BMP5: variants seen among roughly 807,000 people sequenced by gnomAD.
BMP5 encodes the protein bone morphogenetic protein 5.
Under a neutral mutation model 46.6 loss-of-function variants are expected in BMP5, and 23 were observed. The ratio of observed to expected loss-of-function variants is 0.49; its 90% CI spans 0.35 to 0.70. The LOEUF is 0.70. Ranked by LOEUF, BMP5 falls within the 30% of genes least tolerant of loss-of-function variation. The pLI is 0.00. For synonymous variants in BMP5, 204 were observed against 191.9 expected, an observed-to-expected ratio of 1.06 and a Z score of -0.52; for missense variants, 545 against 565.6, an observed-to-expected ratio of 0.96 and a Z score of 0.37.
At chr6:55,811,910 A>G (rs1221098542) in intron 2 of BMP5, among the ~76,000 whole-genome samples, 5 of 152,180 alleles carry the variant, frequency 3.3e-5, no homozygotes, top group Non-Finnish European at 5.9e-5. Context: ...AGCACATTGT[A>G]TTATAGTTAT....
At chr6:55,873,137 G>A (rs1010857416) in intron 1 of BMP5, among the ~76,000 whole-genome samples, 5 of 151,856 alleles carry the variant, frequency 3.3e-5, no homozygotes, top group Admixed American at 6.6e-5. Flanking sequence ...GAGCAAATGA[G>A]CAGAGTATAT....
At chr6:55,774,294 C>A (rs1158905533) in intron 3 of BMP5, 51 bp from the exon 4 acceptor site, 1 of 1,541,276 alleles carries the variant, frequency 6.5e-7, no homozygotes, top group African/African-American at 1.4e-5. Flanking sequence ...AGAACAATTA[C>A]CTGATGTGAA....
chr6:55,784,823 T>C (rs1473863777), intron 3 of BMP5, among the ~76,000 whole-genome samples: 3 of 151,852 alleles, frequency 2.0e-5, no homozygotes, highest in Non-Finnish European at 4.4e-5. Context: ...ATTTGGAAAT[T>C]ATAACAATAC....
chr6:55,775,197 C>T (rs1775147231), intron 3 of BMP5, among the ~76,000 whole-genome samples: 2 of 151,974 alleles, frequency 1.3e-5, no homozygotes, highest in South Asian at 2.1e-4. Context: ...TGATAAAGTA[C>T]CTCTCCCATG....
intron 1 of BMP5, among the ~76,000 whole-genome samples, chr6:55,825,195 C>A (rs1582096320): frequency 6.6e-6 from 1 of 151,874 alleles, no homozygotes; most frequent in South Asian, 2.1e-4. Flanking sequence ...ATGCATTTTA[C>A]CACCCAAATC....
At chr6:55,760,353 AATCATTGGGTATT>A in intron 5 of BMP5, 91 bp downstream of exon 5, 1 of 1,008,164 alleles carries the variant, frequency 9.9e-7, no homozygotes, top group East Asian at 2.5e-5. Context: ...TCATGTCAAA[AATCATTGGGTATT>A]ATATTGGAAA....
At chr6:55,807,205 T>C (rs1290714148) in intron 2 of BMP5, among the ~76,000 whole-genome samples, 3 of 152,298 alleles carry the variant, frequency 2.0e-5, no homozygotes, top group Non-Finnish European at 4.4e-5. Flanking sequence ...GGCTGTGGGT[T>C]TGTCATAAAT....
At chr6:55,780,364 T>C (rs1300540750) in intron 3 of BMP5, among the ~76,000 whole-genome samples, 1 of 148,720 alleles carries the variant, frequency 6.7e-6, no homozygotes, top group Non-Finnish European at 1.5e-5. Context: ...CTCACGCCTG[T>C]AATCCCAGCA....
At chr6:55,777,203 T>G (rs10485072) in intron 3 of BMP5, among the ~76,000 whole-genome samples, 14,216 of 151,874 alleles carry the variant, frequency 0.094, 830 homozygotes, top group East Asian at 0.17. Context: ...TGACTAAACC[T>G]TTTCAAAGAC....
intron 1 of BMP5, among the ~76,000 whole-genome samples, chr6:55,856,311 G>T (rs1357677045): frequency 6.6e-6 from 1 of 152,148 alleles, no homozygotes; most frequent in Non-Finnish European, 1.5e-5. Flanking sequence ...CAGTTTTGGA[G>T]AATTGTGAAT....
intron 2 of BMP5, among the ~76,000 whole-genome samples, chr6:55,812,123 G>A (rs1209380867): frequency 6.6e-6 from 1 of 152,210 alleles, no homozygotes. Flanking sequence ...TATGAGGTGT[G>A]ACTATAGAGC....
At chr6:55,796,802 T>C (rs1007542325) in intron 2 of BMP5, among the ~76,000 whole-genome samples, 1 of 152,026 alleles carries the variant, frequency 6.6e-6, no homozygotes, top group African/African-American at 2.4e-5. Flanking sequence ...TGTATATATT[T>C]AGAAAAAGCA....
intron 1 of BMP5, among the ~76,000 whole-genome samples, chr6:55,853,457 G>C (rs1777305442): frequency 1.3e-5 from 2 of 151,790 alleles, no homozygotes; most frequent in African/African-American, 2.4e-5. Context: ...TAGGTGGTTA[G>C]AGCAAGCCCC....
chr6:55,776,793 C>G (rs1046409606), intron 3 of BMP5, among the ~76,000 whole-genome samples: 2 of 151,886 alleles, frequency 1.3e-5, no homozygotes, highest in African/African-American at 4.8e-5. Context: ...ACAAGAAGTT[C>G]CAAGTTTCCT....
intron 1 of BMP5, among the ~76,000 whole-genome samples, chr6:55,865,864 C>T (rs1037488393): frequency 1.3e-5 from 2 of 152,068 alleles, no homozygotes; most frequent in Non-Finnish European, 2.9e-5. Context: ...ATAGTTTCAA[C>T]GAAGTGAAAT....
At chr6:55,818,628 T>G (rs1179021055) in intron 2 of BMP5, among the ~76,000 whole-genome samples, 1 of 152,172 alleles carries the variant, frequency 6.6e-6, no homozygotes, top group Non-Finnish European at 1.5e-5. Flanking sequence ...GCTTTAGCAA[T>G]AGACATGACC....
chr6:55,865,724 T>C (rs1277913567), intron 1 of BMP5, among the ~76,000 whole-genome samples: 2 of 152,186 alleles, frequency 1.3e-5, no homozygotes, highest in East Asian at 1.9e-4. Context: ...TATATTCTAG[T>C]AGAAATAGTT....
At chr6:55,784,491 G>A (rs1332969876) in intron 3 of BMP5, among the ~76,000 whole-genome samples, 1 of 151,770 alleles carries the variant, frequency 6.6e-6, no homozygotes, top group African/African-American at 2.4e-5. Context: ...ACTAAATTAA[G>A]AAGAGGGGGT....
chr6:55,831,646 A>G (rs1006210858), intron 1 of BMP5, among the ~76,000 whole-genome samples: 1 of 143,796 alleles, frequency 7.0e-6, no homozygotes, highest in Admixed American at 6.8e-5. Context: ...TTTAAAAAAT[A>G]AAAAAAAAAT....
Sources: gnomAD v4.1 joint callset for allele counts (sites outside exome capture counted in the v4.1 genomes callset) on GRCh38, gnomAD v4.1.1 for gene constraint, MANE v1.5 for transcripts, NCBI Gene and HGNC (gene_info 2026-07-23, HGNC 2026-07-21) for gene names.